TMCO5A: variants seen among roughly 807,000 people sequenced by gnomAD.
TMCO5A encodes the protein transmembrane and coiled-coil domain-containing protein 5A.
TMCO5A carries 34 observed loss-of-function variants against 42.3 expected under a neutral mutation model. That is an observed-to-expected ratio of 0.80 (90% CI 0.61 to 1.07). TMCO5A has a LOEUF of 1.07. Ranked by LOEUF, TMCO5A falls within the 50% of genes least tolerant of loss-of-function variation. The pLI is 0.00. For synonymous variants in TMCO5A, 131 were observed against 115.6 expected (o/e 1.13, Z -0.86); for missense variants, 357 against 327.9 (o/e 1.09, Z -0.69).
At chr15:37,941,359 C>A (rs190855003) in intron 7 of TMCO5A, among the ~76,000 whole-genome samples, 154 bp downstream of exon 7, 26 of 152,208 alleles carry the variant, frequency 1.7e-4, no homozygotes, top group Admixed American at 1.2e-3. Context: ...AAGATAAGCA[C>A]AATCCCTGAG....
chr15:38,008,954 T>C, the TMCO5A span, among the ~76,000 whole-genome samples: 314 of 152,286 alleles, frequency 2.1e-3, 1 homozygote, highest in African/African-American at 6.9e-3. Flanking sequence ...TCTGATACCA[T>C]TACTTTCCTA....
the TMCO5A span, among the ~76,000 whole-genome samples, chr15:38,018,771 AT>A: frequency 0.034 from 5,110 of 150,638 alleles, 265 homozygotes; most frequent in African/African-American, 0.11. Flanking sequence ...CAGTAATGTT[AT>A]TTTTTTTTTT....
chr15:37,966,681 C>T lies in TMCO5A; in HGVS notation c.*38C>T, dbSNP rs1890564994. ...TGCCAACAATCCAGATCTCGTACTA[C>T]CAGATTGGCAACCTTTGCAGAATAA... is the stretch of plus-strand genomic sequence containing the variant. On this transcript the variant is annotated 3_prime_UTR_variant, in exon 12 of 12. Coordinates refer to the TMCO5A transcript ENST00000559502. 8.5e-6 allele frequency: 6 copies of T among 702,872 alleles called. No individual in the cohort carries two copies. The East Asian group carries it at 1.6e-4, about 19-fold the overall frequency. The allele number at this position is 702,872 out of a possible 1,614,324, so 43.5% of individuals were successfully genotyped here. A position where few individuals can be genotyped will look rare whatever the true frequency, so the allele number is the denominator to read the frequency against.
At chr15:38,034,454 T>G in the TMCO5A span, among the ~76,000 whole-genome samples, 4 of 152,238 alleles carry the variant, frequency 2.6e-5, no homozygotes, top group East Asian at 7.7e-4. Context: ...ATGCATAAGC[T>G]TCATCGTGCT....
chr15:38,017,641 A>C, the TMCO5A span, among the ~76,000 whole-genome samples: 2 of 152,176 alleles, frequency 1.3e-5, no homozygotes, highest in Non-Finnish European at 2.9e-5. Context: ...TCTGCTTACC[A>C]TTAAAACATC....
At position 37,942,536 on chromosome 15, in the gene TMCO5A, C is replaced by T. The variant is rs568671360; in HGVS notation, c.569+281C>T. 14 of 287,642 alleles carry T rather than the reference C, an allele frequency of 4.9e-5. No individual in the cohort carries two copies. In the East Asian group the frequency reaches 7.7e-4, roughly 16 times the overall value. 17.8% of individuals were successfully genotyped at this position (287,642 alleles called of 1,614,324 possible). A position where few individuals can be genotyped will look rare whatever the true frequency, so the allele number is the denominator to read the frequency against. On this transcript the variant is annotated intron_variant, in intron 9 of 11. Transcript: ENST00000319669. ...TTCGGGTTGATATTAAGAGTAAAAA[C>T]ATGTACTTTAGAAAGAGTTGGTGGT... is the stretch of plus-strand genomic sequence containing the variant.
the TMCO5A span, among the ~76,000 whole-genome samples, chr15:37,990,836 C>T: frequency 6.6e-6 from 1 of 151,926 alleles, no homozygotes; most frequent in Non-Finnish European, 1.5e-5. Context: ...TTAACATCCT[C>T]AAGTTATAAT....
At chr15:38,007,932 G>C in the TMCO5A span, among the ~76,000 whole-genome samples, 2 of 107,706 alleles carry the variant, frequency 1.9e-5, no homozygotes, top group South Asian at 6.6e-4. Context: ...GTCTCTCTCT[G>C]TTGCCCAGGC....
At chr15:37,947,842 C>A in intron 11 of TMCO5A, 146 bp downstream of exon 11, 1 of 541,802 alleles carries the variant, frequency 1.8e-6, no homozygotes, top group Non-Finnish European at 3.2e-6. Flanking sequence ...AAACTAATGT[C>A]TTTGACTGTA....
In TMCO5A at chr15:37,936,984, T is replaced by C; in HGVS notation, c.264+14T>C. On this transcript the variant is annotated intron_variant, in intron 4 of 11. Coordinates refer to ENST00000319669, the MANE Select transcript of TMCO5A (RefSeq NM_152453.4). ...ACAGCCAGACTTGTAAGCAAGAAGT[T>C]GGGAAGAGCCATTTAATAGGTTGCA... 6.2e-7 allele frequency: 1 copy of C among 1,611,550 alleles called. No homozygotes were observed. The highest frequency in any genetic ancestry group is 8.5e-7 in the Non-Finnish European group (1 of 1,178,626).
the TMCO5A span, among the ~76,000 whole-genome samples, chr15:37,974,384 C>T: frequency 6.6e-6 from 1 of 152,112 alleles, no homozygotes; most frequent in Non-Finnish European, 1.5e-5. Flanking sequence ...TTCATCTGAT[C>T]CTGGGCTTTT....
the TMCO5A span, among the ~76,000 whole-genome samples, chr15:38,005,108 T>G: frequency 5.9e-5 from 9 of 152,032 alleles, no homozygotes; most frequent in Admixed American, 2.0e-4. Flanking sequence ...CCCAGTCTAT[T>G]TTACTCATTT....
chr15:37,965,904 GTA>G (rs1405121614), intron 11 of TMCO5A, among the ~76,000 whole-genome samples: 1 of 152,102 alleles, frequency 6.6e-6, no homozygotes, highest in African/African-American at 2.4e-5. Context: ...CCACTGCTGG[GTA>G]TATACTCAAA....
intron 11 of TMCO5A, among the ~76,000 whole-genome samples, chr15:37,949,099 G>C (rs1448500462): frequency 6.6e-6 from 1 of 151,836 alleles, no homozygotes; most frequent in Non-Finnish European, 1.5e-5. Flanking sequence ...GTTTCCTCAT[G>C]CAATTCATAT....
At chr15:37,977,091 C>T in the TMCO5A span, among the ~76,000 whole-genome samples, 45 of 152,226 alleles carry the variant, frequency 3.0e-4, no homozygotes, top group Non-Finnish European at 4.9e-4. Flanking sequence ...CTTAAAATTG[C>T]CATTTTGCCT....
At chr15:37,971,104 C>T (rs1890665699), downstream of TMCO5A, among the ~76,000 whole-genome samples, 1 of 152,232 alleles carries the variant, frequency 6.6e-6, no homozygotes, top group Non-Finnish European at 1.5e-5. Context: ...ACTGCACTAG[C>T]AGAGGTTCTC....
chr15:38,012,375 T>A, the TMCO5A span, among the ~76,000 whole-genome samples: 4 of 152,194 alleles, frequency 2.6e-5, no homozygotes, highest in African/African-American at 9.7e-5. Flanking sequence ...TCAAATATTA[T>A]CGATTTTTTG....
chr15:38,033,090 G>A, the TMCO5A span, among the ~76,000 whole-genome samples: 2 of 151,974 alleles, frequency 1.3e-5, no homozygotes, highest in Admixed American at 6.6e-5. Context: ...ACCTCGCCCG[G>A]CTAATTTTTT....
chr15:37,981,004 G>T, the TMCO5A span, among the ~76,000 whole-genome samples: 2 of 152,058 alleles, frequency 1.3e-5, no homozygotes, highest in Non-Finnish European at 2.9e-5. Context: ...GCAGAATAAT[G>T]CTGAGAAAAC....
Sources: allele counts gnomAD v4.1 joint callset (sites outside exome capture counted in the v4.1 genomes callset), GRCh38; gene constraint gnomAD v4.1.1; transcripts MANE v1.5; gene names NCBI Gene and HGNC (gene_info 2026-07-23, HGNC 2026-07-21).